FAM117A: variants seen among roughly 807,000 people sequenced by gnomAD.
The protein encoded by FAM117A is family with sequence similarity 117 member A, also known as protein FAM117A.
FAM117A carries 21 observed loss-of-function variants against 44.1 expected under a neutral mutation model. The ratio of observed to expected loss-of-function variants is 0.48; its 90% CI spans 0.34 to 0.69. The LOEUF (loss-of-function observed/expected upper bound fraction) is 0.69, where lower values mean the gene tolerates loss of function less well. Ranked by LOEUF, FAM117A falls within the 30% of genes least tolerant of loss-of-function variation. FAM117A has a pLI of 0.01. For missense variants in FAM117A, 498 were observed against 589.9 expected, an observed-to-expected ratio of 0.84 and a Z score of 1.61; for synonymous variants, 220 against 238.3, an observed-to-expected ratio of 0.92 and a Z score of 0.71.
chr17:49,778,726 C>A (rs2073781613), intron 1 of FAM117A, among the ~76,000 whole-genome samples: 1 of 152,252 alleles, frequency 6.6e-6, no homozygotes, highest in Non-Finnish European at 1.5e-5. Flanking sequence ...AAGTGCCATG[C>A]ACTCTGCCAG....
intron 1 of FAM117A, among the ~76,000 whole-genome samples, chr17:49,774,659 A>G (rs1376556152): frequency 1.3e-5 from 2 of 151,990 alleles, no homozygotes; most frequent in African/African-American, 4.8e-5. Flanking sequence ...TGCTCTGTCA[A>G]CTCTGGTATT....
intron 1 of FAM117A, among the ~76,000 whole-genome samples, chr17:49,769,886 C>A (rs1407453336): frequency 6.6e-6 from 1 of 152,086 alleles, no homozygotes; most frequent in East Asian, 1.9e-4. Flanking sequence ...AAGGGGAGGA[C>A]TTGTCAGAGG....
chr17:49,716,226 A>G lies in FAM117A; in HGVS notation c.1000T>C (p.Tyr334His), dbSNP rs1270234535. 2 of 1,607,718 alleles carry G rather than the reference A, an allele frequency of 1.2e-6. No individual in the cohort carries two copies. Among genetic ancestry groups the G allele is most frequent in the African/African-American group, 2.7e-5 (2 of 74,690 alleles). Reference sequence around the variant, plus strand: ...TCTGGGGGCTCCCGTTTGAAGATGTAGCTATGATTAGGTCGAGGGGAGGCA... The same window carrying G: ...TCTGGGGGCTCCCGTTTGAAGATGTGGCTATGATTAGGTCGAGGGGAGGCA... ...FAASPRPNHS[Y>H]IFKREPPEGC... Residue 334 changes from tyrosine to histidine, a missense_variant, in exon 7 of 8, where the codon TAC (tyrosine) becomes CAC (histidine). Tyr to His is a moderately conservative substitution (Grantham distance 83). Coordinates refer to ENST00000240364, the MANE Select transcript of FAM117A (RefSeq NM_030802.4).
chr17:49,769,436 C>T (rs935695394), intron 1 of FAM117A, among the ~76,000 whole-genome samples: 67 of 152,196 alleles, frequency 4.4e-4, no homozygotes, highest in African/African-American at 1.2e-3. Context: ...CGGTGGCTCA[C>T]GCCTGTAATC....
intron 2 of FAM117A, among the ~76,000 whole-genome samples, chr17:49,730,557 T>G (rs2073580482): frequency 6.6e-6 from 1 of 152,198 alleles, no homozygotes; most frequent in African/African-American, 2.4e-5. Flanking sequence ...GCCTGCCATC[T>G]GACAAACAGG....
At chr17:49,752,020 C>CT (rs2073679625) in intron 1 of FAM117A, among the ~76,000 whole-genome samples, 1 of 150,640 alleles carries the variant, frequency 6.6e-6, no homozygotes, top group Non-Finnish European at 1.5e-5. Context: ...CTTTGGGAGG[C>CT]TGAGGCAGGA....
intron 1 of FAM117A, among the ~76,000 whole-genome samples, chr17:49,753,674 C>A (rs2073686089): frequency 6.6e-6 from 1 of 152,094 alleles, no homozygotes; most frequent in African/African-American, 2.4e-5. Flanking sequence ...AAATTAGCTA[C>A]TTGGGAGGCT....
At chr17:49,743,208 GC>G (rs1419221745) in intron 1 of FAM117A, among the ~76,000 whole-genome samples, 4 of 152,138 alleles carry the variant, frequency 2.6e-5, no homozygotes, top group Non-Finnish European at 5.9e-5. Context: ...CCTTTCCCTT[GC>G]TAGAAACCAG....
chr17:49,732,795 A>G (rs2073592151), intron 1 of FAM117A, 75 bp from the exon 2 acceptor site: 2 of 1,497,476 alleles, frequency 1.3e-6, no homozygotes, highest in African/African-American at 1.4e-5. Flanking sequence ...TTCCTCTTCT[A>G]AGAGATGTGG....
intron 2 of FAM117A, among the ~76,000 whole-genome samples, chr17:49,727,128 C>T (rs1241035641): frequency 3.3e-5 from 5 of 152,200 alleles, no homozygotes; most frequent in East Asian, 1.9e-4. Flanking sequence ...TCTCCAGGCA[C>T]GGTGACTCAT....
intron 7 of FAM117A, among the ~76,000 whole-genome samples, chr17:49,714,708 G>A (rs572495935): frequency 1.1e-4 from 17 of 150,156 alleles, no homozygotes; most frequent in South Asian, 8.5e-4. Flanking sequence ...GTGCGGTGGC[G>A]TGATCTCGGC....
Position 49,722,612 on chromosome 17 carries a change from C to T in FAM117A, c.367-18G>A, listed in dbSNP as rs954195553. 2 of 1,604,532 alleles carry T rather than the reference C, an allele frequency of 1.2e-6. No homozygotes were observed. The highest frequency in any genetic ancestry group is 8.5e-7 in the Non-Finnish European group (1 of 1,172,806). On this transcript the variant is annotated intron_variant, in intron 2 of 7. Transcript: ENST00000240364. Reference sequence around the variant, plus strand: ...AGGGGCGTCTGCAGGGAGAGAAACACAGTGAGACACAGCAGCTTCTTTGGC... The same window carrying T: ...AGGGGCGTCTGCAGGGAGAGAAACATAGTGAGACACAGCAGCTTCTTTGGC...
In FAM117A at chr17:49,711,331, G is replaced by C. The variant is rs774864629; in HGVS notation, c.1286C>G (p.Pro429Arg). 1.2e-6 allele frequency: 2 copies of C among 1,609,626 alleles called. No homozygotes were observed. The highest frequency in any genetic ancestry group is 2.2e-5 in the South Asian group (2 of 90,754). ...RKDPEASKAS[P>R]LPFEPWQRTP... ...GCGCTGCCATGGCTCGAATGGCAGT[G>C]GGGAGGCCTTGGAGGCTTCCGGATC... The change falls in exon 8 of 8, where the codon CCA (proline) becomes CGA (arginine). Residue 429 changes from proline to arginine, a missense_variant. Around this residue, in one of 3 missense-constraint regions of FAM117A, gnomAD observed 224 missense variants for 296.5 expected, o/e 0.76. Transcript: ENST00000240364.
chr17:49,719,581 T>A, intron 5 of FAM117A, 179 bp downstream of exon 5: 1 of 751,750 alleles, frequency 1.3e-6, no homozygotes, highest in Non-Finnish European at 2.0e-6. Flanking sequence ...GTGACATGGG[T>A]TAAGGCCATT....
intron 1 of FAM117A, among the ~76,000 whole-genome samples, chr17:49,783,448 G>C (rs2073796068): frequency 6.6e-6 from 1 of 152,000 alleles, no homozygotes; most frequent in Non-Finnish European, 1.5e-5. Flanking sequence ...TTATTTGACT[G>C]TTTAGCTTTG....
intron 2 of FAM117A, among the ~76,000 whole-genome samples, chr17:49,730,291 C>T (rs1031010506): frequency 3.9e-5 from 6 of 152,334 alleles, no homozygotes; most frequent in South Asian, 2.1e-4. Context: ...GCCAGACCCA[C>T]GGAGGCTCAT....
At position 49,720,382 on chromosome 17, in the gene FAM117A, C is replaced by T. The variant is rs758249791; in HGVS notation, c.517G>A (p.Glu173Lys). 1 of 1,613,928 alleles carries T rather than the reference C, an allele frequency of 6.2e-7. No homozygotes were observed. Among genetic ancestry groups the T allele is most frequent in the South Asian group, 1.1e-5 (1 of 91,072 alleles). The change falls in exon 4 of 8, where the codon GAG becomes AAG. Residue 173 changes from glutamate (E) to lysine (K), a missense_variant. This residue lies in a region of FAM117A where 270 missense variants were observed against 277.4 expected (regional missense o/e 0.97). Transcript: ENST00000240364. ...AGGAGTGGTGAACCTCGCTCCTTCT[C>T]TTTCCCACTGCGGCTCAGCTTCGTC... ...QRTKLSRSGK[E>K]KERGSPLLGD...
chr17:49,731,398 G>T (rs1158561684), intron 2 of FAM117A, among the ~76,000 whole-genome samples: 1 of 152,198 alleles, frequency 6.6e-6, no homozygotes, highest in South Asian at 2.1e-4. Flanking sequence ...CAACTTAGCT[G>T]CTAAGAATGA....
intron 1 of FAM117A, among the ~76,000 whole-genome samples, chr17:49,785,995 A>G (rs2073804603): frequency 6.6e-6 from 1 of 152,226 alleles, no homozygotes; most frequent in African/African-American, 2.4e-5. Context: ...TTGTGTTGTG[A>G]TGAACATGAC....
Sources: gnomAD v4.1 joint callset for allele counts (sites outside exome capture counted in the v4.1 genomes callset) on GRCh38, gnomAD v4.1.1 for gene constraint, gnomAD v4.1.1 regional missense constraint, MANE v1.5 for transcripts, NCBI Gene and HGNC (gene_info 2026-07-23, HGNC 2026-07-21) for gene names.